CMIP: variants seen among roughly 807,000 people sequenced by gnomAD.
CMIP encodes the protein C-Maf-inducing protein.
A neutral mutation model predicts 97.3 loss-of-function variants in CMIP; 13 were observed. That is an observed-to-expected ratio of 0.13 (90% CI 0.09 to 0.21). The LOEUF (loss-of-function observed/expected upper bound fraction) is 0.21, where lower values mean the gene tolerates loss of function less well. CMIP is among the 10% of genes least tolerant of loss of function. CMIP has a pLI of 1.00. For missense variants in CMIP, 847 were observed against 1,024.9 expected, an observed-to-expected ratio of 0.83 and a Z score of 2.37; for synonymous variants, 538 against 436.3, an observed-to-expected ratio of 1.23 and a Z score of -2.91.
In CMIP at chr16:81,616,926, CG is replaced by C; in HGVS notation, c.427-3949del. The stretch of plus-strand genomic sequence containing the variant: ...CAGCTCAGCAGGAAGTCACAGGGGG[CG>C]TGGCCAGGCCAGGCAGCTGGGGCCC... On this transcript the variant is annotated intron_variant, in intron 2 of 20. Coordinates refer to ENST00000537098, the MANE Select transcript of CMIP (RefSeq NM_198390.3). This position sits in a 1 kb window ranked among gnomAD's most constrained non-coding sequence, Gnocchi z 4.7. 1 of 152,826 alleles carries C rather than the reference CG, an allele frequency of 6.5e-6. No individual in the cohort carries two copies. The highest frequency in any genetic ancestry group is 1.5e-5 in the Non-Finnish European group (1 of 68,462). 9.5% of individuals were successfully genotyped at this position (152,826 alleles called of 1,614,324 possible).
At chr16:81,536,035 G>C (rs1287709939) in intron 1 of CMIP, among the ~76,000 whole-genome samples, 2 of 152,178 alleles carry the variant, frequency 1.3e-5, no homozygotes, top group Admixed American at 6.5e-5. Context: ...GGGCTGATGT[G>C]ATCCCTGTTT....
chr16:81,699,599 C>T (rs756092850), intron 14 of CMIP, 86 bp from the exon 15 acceptor site: 18 of 829,816 alleles, frequency 2.2e-5, no homozygotes, highest in South Asian at 7.5e-5. Flanking sequence ...GTCTGTTCAA[C>T]GGCTCTTGGG....
At chr16:81,673,438 C>T (rs1296097548) in intron 9 of CMIP, among the ~76,000 whole-genome samples, 1 of 152,104 alleles carries the variant, frequency 6.6e-6, no homozygotes, top group African/African-American at 2.4e-5. Context: ...ATAGCTTGAA[C>T]CTGGGAGGCA....
intron 8 of CMIP, 129 bp downstream of exon 8, chr16:81,670,374 C>T (rs2092670924): frequency 2.1e-6 from 2 of 968,690 alleles, no homozygotes; most frequent in Non-Finnish European, 3.1e-6. Flanking sequence ...AAGCCCCTAG[C>T]CTACTGCACG....
chr16:81,476,454 G>A (rs1907925398), intron 1 of CMIP: 2 of 878,248 alleles, frequency 2.3e-6, no homozygotes, highest in South Asian at 1.3e-5. Context: ...CAAACAGCTC[G>A]AAGGAGATGC....
intron 1 of CMIP, among the ~76,000 whole-genome samples, chr16:81,557,304 ATTTAC>A (rs2090782856): frequency 1.6e-5 from 2 of 125,588 alleles, no homozygotes; most frequent in African/African-American, 6.0e-5. Context: ...TGTTGGTTGA[ATTTAC>A]TGATGTTGGT....
rs186744687 is a variant in CMIP, at chr16:81,662,709, T to C, written c.745-1560T>C. 4.9e-3 allele frequency among the ~76,000 whole-genome samples: 751 copies of C among 152,288 alleles called. 10 individuals carry two copies. Among genetic ancestry groups the C allele is most frequent in the South Asian group, 0.019 (90 of 4,830 alleles). On this transcript the variant is annotated intron_variant, in intron 6 of 20. Transcript: ENST00000537098. ...CCTCATCTGGGGGCCGGGTGGGTGATACATGTGTGCAGGACACGAGGGAGG... is the reference window on the plus strand; with the variant it reads ...CCTCATCTGGGGGCCGGGTGGGTGACACATGTGTGCAGGACACGAGGGAGG...
Position 81,452,885 on chromosome 16 carries a change from G to GTT in CMIP, c.300+7362_300+7363dup, listed in dbSNP as rs558606255. 1.1e-3 allele frequency among the ~76,000 whole-genome samples: 144 copies of GTT among 129,200 alleles called. 1 individual carries two copies. Among genetic ancestry groups the GTT allele is most frequent in the African/African-American group, 2.9e-3 (101 of 34,576 alleles). The allele number at this position is 129,200 out of a possible 152,430, so 84.8% of individuals were successfully genotyped here. On this transcript the variant is annotated intron_variant, in intron 1 of 20. Transcript: ENST00000537098. ...TTTTCTTTTGTTTTTTTTTTGTTTTGTTTTTTTTTTTTTTTTTTTGCAAAC... is the reference window on the plus strand; with the variant it reads ...TTTTCTTTTGTTTTTTTTTTGTTTTGTTTTTTTTTTTTTTTTTTTTTGCAAAC...
At chr16:81,605,334 T>C (rs1372730005) in intron 1 of CMIP, among the ~76,000 whole-genome samples, 1 of 152,170 alleles carries the variant, frequency 6.6e-6, no homozygotes, top group Non-Finnish European at 1.5e-5. Flanking sequence ...GATGCAGTGG[T>C]GGAAAGGACA....
Position 81,616,464 on chromosome 16 carries a change from A to G in CMIP, c.427-4412A>G. The stretch of plus-strand genomic sequence containing the variant: ...TTGAGGAGGAGAGGAGGTGTGTGTG[A>G]GCATTTCTCGTGGTGCCTGGTACCG... On this transcript the variant is annotated intron_variant, in intron 2 of 20. Coordinates refer to ENST00000537098, the MANE Select transcript of CMIP (RefSeq NM_198390.3). This position sits in a 1 kb window ranked among gnomAD's most constrained non-coding sequence, Gnocchi z 4.7. 6.6e-6 allele frequency among the ~76,000 whole-genome samples: 1 copy of G among 152,114 alleles called. No individual in the cohort carries two copies.
intron 14 of CMIP, chr16:81,696,940 C>A: frequency 1.9e-6 from 1 of 515,050 alleles, no homozygotes; most frequent in South Asian, 2.4e-5. Context: ...ATGTCATTGC[C>A]CCATTTTATA....
At chr16:81,599,933 G>A (rs1335330072) in intron 1 of CMIP, among the ~76,000 whole-genome samples, 1 of 152,048 alleles carries the variant, frequency 6.6e-6, no homozygotes, top group Non-Finnish European at 1.5e-5. Context: ...ATATGGGTGG[G>A]GTGTAGTGAG....
chr16:81,642,081 A>T (rs991052528), intron 3 of CMIP, among the ~76,000 whole-genome samples: 1 of 152,276 alleles, frequency 6.6e-6, no homozygotes. Context: ...GACCTGGCCT[A>T]TGGAGTGCCC....
intron 1 of CMIP, among the ~76,000 whole-genome samples, chr16:81,452,892 T>G (rs577079906): frequency 1.8e-4 from 27 of 147,596 alleles, no homozygotes; most frequent in Admixed American, 6.0e-4. Context: ...TTTGTTTTTT[T>G]TTTTTTTTTT....
At chr16:81,660,681 A>C (rs1020218026) in intron 5 of CMIP, among the ~76,000 whole-genome samples, 1 of 152,152 alleles carries the variant, frequency 6.6e-6, no homozygotes, top group Non-Finnish European at 1.5e-5. Flanking sequence ...GGTGGTGACA[A>C]ACCCACACAG....
chr16:81,523,583 G>A (rs1270299092), intron 1 of CMIP, among the ~76,000 whole-genome samples: 1 of 152,152 alleles, frequency 6.6e-6, no homozygotes, highest in Non-Finnish European at 1.5e-5. Context: ...CCAAATTCTC[G>A]AGTCACTCAG....
At chr16:81,520,251 A>G (rs1162701317) in intron 1 of CMIP, 1 of 152,182 alleles carries the variant, frequency 6.6e-6, no homozygotes, top group Non-Finnish European at 1.5e-5. Flanking sequence ...GCACTCAGCC[A>G]AGTTACTTCA....
chr16:81,645,429 C>T lies in CMIP; in HGVS notation c.478-6774C>T, dbSNP rs117966186. 4.6e-3 allele frequency: 6,937 copies of T among 1,498,040 alleles called. 20 individuals carry two copies. The highest frequency in any genetic ancestry group is 5.2e-3 in the Non-Finnish European group (5,871 of 1,123,872). 92.8% of individuals were successfully genotyped at this position (1,498,040 alleles called of 1,614,324 possible). On this transcript the variant is annotated intron_variant, in intron 3 of 20. Coordinates refer to ENST00000537098, the MANE Select transcript of CMIP (RefSeq NM_198390.3). ...GAGCAGCAGCCCCTGCCTGGCGCGACGTGCTTCCAGTGCATTCTGAGTCAC... is the reference window on the plus strand; with the variant it reads ...GAGCAGCAGCCCCTGCCTGGCGCGATGTGCTTCCAGTGCATTCTGAGTCAC...
chr16:81,503,508 C>T (rs575372903), intron 1 of CMIP, among the ~76,000 whole-genome samples: 10 of 152,150 alleles, frequency 6.6e-5, no homozygotes, highest in Non-Finnish European at 1.3e-4. Context: ...GCCATCCTCC[C>T]ACCTCAGCCT....
Sources: gnomAD v4.1 joint callset for allele counts (sites outside exome capture counted in the v4.1 genomes callset) on GRCh38, gnomAD v4.1.1 for gene constraint, Gnocchi (gnomAD v3.1) non-coding constraint, MANE v1.5 for transcripts, NCBI Gene and HGNC (gene_info 2026-07-23, HGNC 2026-07-21) for gene names.